The following SRGAP3 variants were observed in gnomAD, a reference collection of about 807,000 sequenced individuals.
SRGAP3 encodes the protein SLIT-ROBO Rho GTPase-activating protein 3.
SRGAP3 carries 39 observed loss-of-function variants against 121.1 expected under a neutral mutation model. The observed-to-expected ratio is 0.32, with a 90% confidence interval of 0.25 to 0.42. SRGAP3 has a LOEUF of 0.42. Ranked by LOEUF, SRGAP3 falls within the 10% of genes least tolerant of loss-of-function variation. The pLI is 1.00. For missense variants in SRGAP3, 1,213 were observed against 1,470.6 expected (o/e 0.82, Z 2.86); for synonymous variants, 601 against 570.0 (o/e 1.05, Z -0.77).
At chr3:9,148,859 A>G (rs1206236079) in intron 1 of SRGAP3, among the ~76,000 whole-genome samples, 1 of 152,218 alleles carries the variant, frequency 6.6e-6, no homozygotes, top group Non-Finnish European at 1.5e-5. Context: ...GGCTGAAGAA[A>G]GAATGGATTC....
At chr3:9,229,061 T>A in intron 1 of SRGAP3, among the ~76,000 whole-genome samples, 1 of 98,212 alleles carries the variant, frequency 1.0e-5, no homozygotes, top group South Asian at 3.9e-4. Context: ...AGAGCGAGAC[T>A]CCGTCTCAAA....
intron 2 of SRGAP3, among the ~76,000 whole-genome samples, chr3:9,123,927 G>A (rs1201139717): frequency 6.6e-6 from 1 of 152,000 alleles, no homozygotes; most frequent in Non-Finnish European, 1.5e-5. Context: ...GGAGAAGGGA[G>A]AGTCCAGGAA....
At chr3:9,338,197 G>A (rs972925875) in intron 1 of SRGAP3, among the ~76,000 whole-genome samples, 1 of 152,150 alleles carries the variant, frequency 6.6e-6, no homozygotes, top group Non-Finnish European at 1.5e-5. Flanking sequence ...GCACTTGGGG[G>A]GGAATGGGGC....
intron 4 of SRGAP3, among the ~76,000 whole-genome samples, chr3:9,070,634 CA>C (rs1946661144): frequency 6.6e-6 from 1 of 151,782 alleles, no homozygotes. Flanking sequence ...TGGATAAATG[CA>C]GGGATGGGTA....
intron 3 of SRGAP3, among the ~76,000 whole-genome samples, chr3:9,257,860 G>A (rs528740339): frequency 1.3e-4 from 20 of 151,876 alleles, no homozygotes; most frequent in East Asian, 1.2e-3. Flanking sequence ...ACCCACGACC[G>A]CGCCTGGCTA....
chr3:9,196,751 A>G (rs1434959002), intron 1 of SRGAP3, among the ~76,000 whole-genome samples: 2 of 152,238 alleles, frequency 1.3e-5, no homozygotes, highest in East Asian at 3.8e-4. Context: ...GGAAAAATGC[A>G]AAGATAAGAG....
upstream of SRGAP3, among the ~76,000 whole-genome samples, chr3:9,253,132 CGG>C (rs2125252029): frequency 6.6e-6 from 1 of 152,242 alleles, no homozygotes; most frequent in Admixed American, 6.5e-5. Context: ...GTTGGGTAAA[CGG>C]AGGCCAAGAG....
chr3:8,994,463 A>G lies in SRGAP3; in HGVS notation c.2288T>C (p.Leu763Pro). 6.2e-7 allele frequency: 1 copy of G among 1,614,206 alleles called. No homozygotes were observed. Among genetic ancestry groups the G allele is most frequent in the Non-Finnish European group, 8.5e-7 (1 of 1,180,044 alleles). The change falls in exon 19 of 22, where the codon CTA (leucine) becomes CCA (proline). Residue 763 changes from leucine (L) to proline (P), a missense_variant. Physicochemically the swap from Leu to Pro is moderately conservative, Grantham distance 98 (BLOSUM62 -3). Transcript: ENST00000383836. ...CAGCGAGGCCCCCTTCTTGAAGGAT[A>G]GCTCACGCGGGGACCGCCCCATGTA... ...FDYMGRSPRE[L>P]SFKKGASLLL...
chr3:9,010,343 T>C lies in SRGAP3; in HGVS notation c.2192A>G (p.His731Arg). 3 of 1,614,146 alleles carry C rather than the reference T, an allele frequency of 1.9e-6. No homozygotes were observed. The highest frequency in any genetic ancestry group is 1.1e-5 in the South Asian group (1 of 91,084). The change falls in exon 18 of 22, where the codon CAT becomes CGT. Residue 731 changes from histidine (H) to arginine (R), a missense_variant. Coordinates refer to ENST00000383836, the MANE Select transcript of SRGAP3 (RefSeq NM_014850.4). ...SEPGAIDEVD[H>R]DNGTEPHTSD... ...GGTATGAGGCTCAGTGCCATTGTCA[T>C]GGTCAACTTCATCGATGGCCCCTGG... is the stretch of plus-strand genomic sequence containing the variant.
intron 1 of SRGAP3, among the ~76,000 whole-genome samples, chr3:9,350,479 A>G (rs2030072928): frequency 1.3e-5 from 2 of 152,224 alleles, no homozygotes. Context: ...ATGCTGGATG[A>G]AATGGATAAG....
At chr3:9,233,475 C>A (rs1953298109) in intron 1 of SRGAP3, among the ~76,000 whole-genome samples, 2 of 152,192 alleles carry the variant, frequency 1.3e-5, no homozygotes, top group Non-Finnish European at 2.9e-5. Context: ...ATGGTATTTA[C>A]CATCCTGAAT....
chr3:9,278,311 G>C (rs986551314), intron 3 of SRGAP3, among the ~76,000 whole-genome samples: 1 of 152,094 alleles, frequency 6.6e-6, no homozygotes, highest in African/African-American at 2.4e-5. Context: ...GAAAAGCAAG[G>C]GACAAGAGGC....
chr3:9,192,267 T>C (rs987582830), intron 1 of SRGAP3, among the ~76,000 whole-genome samples: 1 of 152,226 alleles, frequency 6.6e-6, no homozygotes, highest in Admixed American at 6.5e-5. Context: ...TATCTTTGTA[T>C]CGCTGGGGCT....
chr3:9,047,867 A>G (rs1945367793), intron 9 of SRGAP3, among the ~76,000 whole-genome samples: 1 of 152,220 alleles, frequency 6.6e-6, no homozygotes, highest in African/African-American at 2.4e-5. Context: ...GAGCCGTCCC[A>G]GGGGCCACGC....
chr3:9,226,121 AC>A (rs1292898965), intron 1 of SRGAP3, among the ~76,000 whole-genome samples: 1 of 151,946 alleles, frequency 6.6e-6, no homozygotes, highest in Non-Finnish European at 1.5e-5. Flanking sequence ...CGCAACCCCA[AC>A]CCCCGACCCC....
chr3:9,183,136 C>A (rs945124972), intron 1 of SRGAP3, among the ~76,000 whole-genome samples: 1 of 152,186 alleles, frequency 6.6e-6, no homozygotes, highest in Non-Finnish European at 1.5e-5. Context: ...AACTGGGAAT[C>A]TGAGAGAGGA....
intron 1 of SRGAP3, among the ~76,000 whole-genome samples, chr3:9,357,159 C>T (rs915445292): frequency 3.9e-5 from 6 of 151,944 alleles, no homozygotes; most frequent in East Asian, 3.9e-4. Flanking sequence ...GTGGGAGAGT[C>T]GCTTGAGCCT....
At chr3:9,256,208 G>A (rs1270062336) in intron 3 of SRGAP3, among the ~76,000 whole-genome samples, 1 of 152,188 alleles carries the variant, frequency 6.6e-6, no homozygotes, top group Non-Finnish European at 1.5e-5. Flanking sequence ...GGCTTTCTAA[G>A]AACATTCCCA....
intron 6 of SRGAP3, chr3:9,059,907 T>A: frequency 2.6e-6 from 1 of 391,466 alleles, no homozygotes; most frequent in Non-Finnish European, 4.9e-6. Flanking sequence ...CTGTGTATGG[T>A]TCCCCCCTGA....
Sources: gnomAD v4.1 joint callset for allele counts (sites outside exome capture counted in the v4.1 genomes callset) on GRCh38, gnomAD v4.1.1 for gene constraint, MANE v1.5 for transcripts, NCBI Gene and HGNC (gene_info 2026-07-23, HGNC 2026-07-21) for gene names.